Variants in SLC6A11 observed in about 807,000 individuals in gnomAD.
The protein encoded by SLC6A11 is sodium- and chloride-dependent GABA transporter 3.
Under a neutral mutation model 74.8 loss-of-function variants are expected in SLC6A11, and 25 were observed. That is an observed-to-expected ratio of 0.33 (90% confidence interval 0.24 to 0.47). The LOEUF (loss-of-function observed/expected upper bound fraction) is 0.47, where lower values mean the gene tolerates loss of function less well. SLC6A11 is among the 20% of genes least tolerant of loss of function. The pLI is 1.00. For synonymous variants in SLC6A11, 330 were observed against 330.2 expected, an observed-to-expected ratio of 1.00 and a Z score of 0.01; for missense variants, 574 against 837.0, an observed-to-expected ratio of 0.69 and a Z score of 3.88.
chr3:10,934,261 C>G, intron 12 of SLC6A11, 95 bp downstream of exon 12: 2 of 852,722 alleles, frequency 2.3e-6, no homozygotes, highest in Non-Finnish European at 2.0e-6. Flanking sequence ...CTGGCCGAGG[C>G]TGGACCTGAG....
At chr3:10,924,927 A>G (rs930432364) in intron 8 of SLC6A11, among the ~76,000 whole-genome samples, 8 of 152,228 alleles carry the variant, frequency 5.3e-5, no homozygotes, top group Non-Finnish European at 1.0e-4. Flanking sequence ...ATCAGTTTGG[A>G]ATTTCTTAGA....
At chr3:10,935,717 A>G (rs1020532414) in intron 13 of SLC6A11, among the ~76,000 whole-genome samples, 14 of 152,240 alleles carry the variant, frequency 9.2e-5, no homozygotes, top group Non-Finnish European at 1.9e-4. Context: ...CACACAGCCA[A>G]CAGTTAGCAG....
chr3:10,927,308 C>T (rs1176460881), intron 9 of SLC6A11, among the ~76,000 whole-genome samples: 1 of 152,156 alleles, frequency 6.6e-6, no homozygotes. Flanking sequence ...CCCGGCTCGG[C>T]GAGTCCCTGG....
Position 10,918,509 on chromosome 3 carries a change from GT to G in SLC6A11, c.1120+57del. ...GCGGCAAGGGAGGCCAGGAGTGATGGTCATCATGGAAATGCGATCTTCCTCC... is the reference window on the plus strand; with the variant it reads ...GCGGCAAGGGAGGCCAGGAGTGATGGCATCATGGAAATGCGATCTTCCTCC... On this transcript the variant is annotated intron_variant, in intron 8 of 13. Coordinates refer to ENST00000254488, the MANE Select transcript of SLC6A11 (RefSeq NM_014229.3). The surrounding 1 kb of genome is among the most constrained non-coding windows in gnomAD (Gnocchi z 4.5). 2 of 1,556,918 alleles carry G rather than the reference GT, an allele frequency of 1.3e-6. No individual in the cohort carries two copies. The highest frequency in any genetic ancestry group is 1.7e-6 in the Non-Finnish European group (2 of 1,156,242).
chr3:10,833,576 T>C (rs988517564), intron 4 of SLC6A11, among the ~76,000 whole-genome samples: 1 of 152,146 alleles, frequency 6.6e-6, no homozygotes, highest in Non-Finnish European at 1.5e-5. Flanking sequence ...GAAATGCTAT[T>C]TAAAAGTGCC....
Position 10,838,758 on chromosome 3 carries a change from A to G in SLC6A11, c.624-5456A>G, listed in dbSNP as rs141718277. Among the ~76,000 whole-genome samples, 20 of 152,224 alleles carry G rather than the reference A, an allele frequency of 1.3e-4. No individual in the cohort carries two copies. In the East Asian group the frequency reaches 3.7e-3, roughly 28 times the overall value. ...AGTGAGACTCTGTCTCAAAATATGT[A>G]TATATATCAATTTGGGCAAGTTGCT... is the stretch of plus-strand genomic sequence containing the variant. On this transcript the variant is annotated intron_variant, in intron 4 of 13. Transcript: ENST00000254488.
intron 4 of SLC6A11, among the ~76,000 whole-genome samples, chr3:10,838,903 C>T (rs1246460642): frequency 1.3e-5 from 2 of 152,162 alleles, no homozygotes; most frequent in Admixed American, 1.3e-4. Flanking sequence ...GAGCACAGTT[C>T]TCATCACTGC....
intron 13 of SLC6A11, among the ~76,000 whole-genome samples, chr3:10,936,741 T>C (rs1398338227): frequency 6.6e-6 from 1 of 152,204 alleles, no homozygotes; most frequent in Non-Finnish European, 1.5e-5. Flanking sequence ...CCTTAAAACC[T>C]TGACCACTGG....
At chr3:10,912,731 G>A (rs976528216) in intron 7 of SLC6A11, among the ~76,000 whole-genome samples, 1 of 152,208 alleles carries the variant, frequency 6.6e-6, no homozygotes, top group Non-Finnish European at 1.5e-5. Context: ...ACCCTTGGCT[G>A]CCTGGCCTCT....
chr3:10,853,081 C>T (rs7628912), intron 5 of SLC6A11, among the ~76,000 whole-genome samples: 4,342 of 152,230 alleles, frequency 0.029, 212 homozygotes, highest in African/African-American at 0.1. Context: ...AAGCATGACA[C>T]GTGCAGTGGC....
At chr3:10,863,661 C>G (rs908512349) in intron 5 of SLC6A11, among the ~76,000 whole-genome samples, 1 of 152,154 alleles carries the variant, frequency 6.6e-6, no homozygotes, top group African/African-American at 2.4e-5. Context: ...GGTCATTGAA[C>G]TGGTCTTGAA....
Position 10,938,404 on chromosome 3 carries a change from C to T in SLC6A11, c.*2C>T, listed in dbSNP as rs773604512. Reference sequence around the variant, plus strand: ...ACAGAGAAGGAGACGCACTTCTGAGCGGCCACCAGCCATCTGGGGCTCTTC... The same window carrying T: ...ACAGAGAAGGAGACGCACTTCTGAGTGGCCACCAGCCATCTGGGGCTCTTC... On this transcript the variant is annotated 3_prime_UTR_variant, in exon 14 of 14. Transcript: ENST00000254488. 11 of 1,587,928 alleles carry T rather than the reference C, an allele frequency of 6.9e-6. No homozygotes were observed. The highest frequency in any genetic ancestry group is 1.7e-4 in the Middle Eastern group (1 of 5,990).
chr3:10,933,213 C>T lies in SLC6A11; in HGVS notation c.1434C>T (p.Phe478=), dbSNP rs767702126. The T allele has an allele frequency of 2.4e-5, 38 of 1,613,934 alleles. No homozygotes were observed. Among genetic ancestry groups the T allele is most frequent in the Admixed American group, 3.3e-5 (2 of 60,000 alleles). The change falls in exon 11 of 14, where the codon TTC becomes TTT. Residue 478 remains phenylalanine (F), a synonymous_variant. Transcript: ENST00000254488. The stretch of plus-strand genomic sequence containing the variant: ...CCGCCAGTGGGATGTGCCTTCTCTT[C>T]GTGGCCATCTTTGAGTGCATCTGCA... ...SYAASGMCLL[F]VAIFECICIG...
At position 10,940,466 on chromosome 3, in the gene SLC6A11, T is replaced by C. The variant is rs1377902079; in HGVS notation, c.*2064T>C. Reference sequence around the variant, plus strand: ...GGGTGGATTGTTGCTTTTTGTTTTTTGTAATTTCCTACTAGTATTTGGGTA... The same window carrying C: ...GGGTGGATTGTTGCTTTTTGTTTTTCGTAATTTCCTACTAGTATTTGGGTA... On this transcript the variant is annotated 3_prime_UTR_variant, in exon 14 of 14. Coordinates refer to ENST00000254488, the MANE Select transcript of SLC6A11 (RefSeq NM_014229.3). The C allele has an allele frequency of 6.6e-6, 1 of 151,540 alleles. No homozygotes were observed. Among genetic ancestry groups the C allele is most frequent in the Non-Finnish European group, 1.5e-5 (1 of 67,936 alleles). The allele number at this position is 151,540 out of a possible 1,614,324, so 9.4% of individuals were successfully genotyped here. A position where few individuals can be genotyped will look rare whatever the true frequency, so the allele number is the denominator to read the frequency against.
chr3:10,886,382 G>C (rs1202062329), intron 6 of SLC6A11, among the ~76,000 whole-genome samples: 1 of 152,136 alleles, frequency 6.6e-6, no homozygotes, highest in East Asian at 1.9e-4. Flanking sequence ...GGGCATTCCA[G>C]GATCAATTCT....
chr3:10,914,371 T>A (rs1025816349), intron 7 of SLC6A11, among the ~76,000 whole-genome samples: 1 of 152,138 alleles, frequency 6.6e-6, no homozygotes, highest in Non-Finnish European at 1.5e-5. Flanking sequence ...GTGTTTACTG[T>A]GTGTCTACTA....
intron 6 of SLC6A11, among the ~76,000 whole-genome samples, chr3:10,878,901 C>G (rs572889260): frequency 1.5e-4 from 23 of 152,250 alleles, no homozygotes; most frequent in African/African-American, 5.1e-4. Context: ...TGTCCATTTA[C>G]TTGTTGAACA....
At chr3:10,908,623 TC>T (rs1305261380) in intron 6 of SLC6A11, among the ~76,000 whole-genome samples, 1 of 152,116 alleles carries the variant, frequency 6.6e-6, no homozygotes, top group Non-Finnish European at 1.5e-5. Context: ...AGTTTCTCTT[TC>T]CCCCCATCTG....
chr3:10,929,691 C>T (rs1303667330), intron 10 of SLC6A11, among the ~76,000 whole-genome samples: 2 of 152,198 alleles, frequency 1.3e-5, no homozygotes, highest in Non-Finnish European at 2.9e-5. Context: ...CTGGCCCCTA[C>T]AGCATTTACC....
Sources: allele counts gnomAD v4.1 joint callset (sites outside exome capture counted in the v4.1 genomes callset), GRCh38; gene constraint gnomAD v4.1.1; non-coding constraint Gnocchi (gnomAD v3.1); transcripts MANE v1.5; gene names NCBI Gene and HGNC (gene_info 2026-07-23, HGNC 2026-07-21).